Variants in GRM7 observed in about 807,000 individuals in gnomAD.
GRM7 encodes glutamate metabotropic receptor 7, also known as metabotropic glutamate receptor 7.
Under a neutral mutation model 84.5 loss-of-function variants are expected in GRM7, and 35 were observed. The observed-to-expected ratio is 0.41, with a 90% confidence interval of 0.32 to 0.55. GRM7 has a LOEUF of 0.55. Among genes scored for constraint, GRM7 ranks in the 20% least tolerant of loss-of-function variants. The pLI is 0.19. For synonymous variants in GRM7, 487 were observed against 455.1 expected, an observed-to-expected ratio of 1.07 and a Z score of -0.89; for missense variants, 1,003 against 1,194.6, an observed-to-expected ratio of 0.84 and a Z score of 2.36.
chr3:6,924,522 A>G (rs1697233170), intron 1 of GRM7, among the ~76,000 whole-genome samples: 2 of 151,876 alleles, frequency 1.3e-5, no homozygotes, highest in African/African-American at 2.4e-5. Context: ...TTTAAGACTC[A>G]CAGGATGGTT....
At chr3:7,656,544 C>T (rs953120369) in intron 8 of GRM7, among the ~76,000 whole-genome samples, 1 of 14,800 alleles carries the variant, frequency 6.8e-5, no homozygotes, top group South Asian at 2.3e-3. Context: ...TATATACGCG[C>T]GCGCACACAC....
chr3:7,687,758 A>T (rs149797834), intron 9 of GRM7, among the ~76,000 whole-genome samples: 48 of 152,266 alleles, frequency 3.2e-4, no homozygotes, highest in African/African-American at 1.0e-3. Flanking sequence ...TCCGAATATA[A>T]ATAAAATCTT....
chr3:7,379,346 G>A (rs1003380850), intron 4 of GRM7, among the ~76,000 whole-genome samples: 19 of 152,054 alleles, frequency 1.2e-4, no homozygotes, highest in African/African-American at 4.3e-4. Flanking sequence ...AACCGCCTAG[G>A]CCTCCCAAAG....
chr3:7,233,999 C>T (rs1284949984), intron 2 of GRM7, among the ~76,000 whole-genome samples: 1 of 152,092 alleles, frequency 6.6e-6, no homozygotes, highest in East Asian at 1.9e-4. Context: ...AACTTCCTTC[C>T]TATAACTGCT....
rs112340367 is a variant in GRM7, at chr3:7,189,322, A to C, written c.736+42654A>C. ...TTAGTGGACTGAGAACCTGGGTACAATTCCTGGGTCTCCTATCTTCCAGTT... is the reference window on the plus strand; with the variant it reads ...TTAGTGGACTGAGAACCTGGGTACACTTCCTGGGTCTCCTATCTTCCAGTT... On this transcript the variant is annotated intron_variant, in intron 2 of 9. Transcript: ENST00000357716. Among the ~76,000 whole-genome samples, 842 of 152,288 alleles carry C rather than the reference A, an allele frequency of 5.5e-3. 9 individuals carry two copies. Among genetic ancestry groups the C allele is most frequent in the African/African-American group, 0.019 (796 of 41,564 alleles).
intron 5 of GRM7, among the ~76,000 whole-genome samples, chr3:7,442,244 T>A (rs1215335484): frequency 6.6e-6 from 1 of 152,128 alleles, no homozygotes; most frequent in Non-Finnish European, 1.5e-5. Context: ...GTGAATGACA[T>A]TGCATTCTTG....
intron 4 of GRM7, among the ~76,000 whole-genome samples, chr3:7,395,675 G>T (rs1166673713): frequency 6.6e-6 from 1 of 152,102 alleles, no homozygotes; most frequent in African/African-American, 2.4e-5. Context: ...AAGCTCTCTT[G>T]CCTGCTGCCA....
intron 2 of GRM7, among the ~76,000 whole-genome samples, chr3:7,271,350 G>A (rs1013408538): frequency 6.6e-6 from 1 of 151,972 alleles, no homozygotes; most frequent in Non-Finnish European, 1.5e-5. Flanking sequence ...ACGAGGTCAG[G>A]AGATCGAGAC....
intron 9 of GRM7, among the ~76,000 whole-genome samples, chr3:7,691,756 G>A (rs903416826): frequency 5.9e-5 from 9 of 152,118 alleles, no homozygotes; most frequent in Admixed American, 5.9e-4. Context: ...TGCCTCCTGG[G>A]TTCAAGTGAT....
chr3:7,106,066 A>G (rs888769821), intron 1 of GRM7, among the ~76,000 whole-genome samples: 1 of 151,734 alleles, frequency 6.6e-6, no homozygotes, highest in Non-Finnish European at 1.5e-5. Context: ...TAACCATTCA[A>G]CTTAATTCAG....
At chr3:7,405,443 T>C (rs1365631905) in intron 4 of GRM7, among the ~76,000 whole-genome samples, 1 of 152,224 alleles carries the variant, frequency 6.6e-6, no homozygotes, top group Admixed American at 6.5e-5. Context: ...GTAATTAGCA[T>C]ATTCATCCAC....
chr3:7,543,411 AG>A (rs1692991514), intron 7 of GRM7, among the ~76,000 whole-genome samples: 1 of 152,258 alleles, frequency 6.6e-6, no homozygotes, highest in African/African-American at 2.4e-5. Context: ...TGGGCTGGCC[AG>A]GAAGTTCCCA....
chr3:6,992,171 G>C (rs1694659082), intron 1 of GRM7, among the ~76,000 whole-genome samples: 1 of 152,158 alleles, frequency 6.6e-6, no homozygotes, highest in Non-Finnish European at 1.5e-5. Context: ...ATGACTCTTA[G>C]TATTCCTTTC....
intron 4 of GRM7, among the ~76,000 whole-genome samples, chr3:7,330,835 G>T (rs1163959953): frequency 6.6e-6 from 1 of 152,116 alleles, no homozygotes; most frequent in Admixed American, 6.6e-5. Flanking sequence ...CACCATGTTT[G>T]TTCCTACTTT....
chr3:7,203,805 C>G (rs534178959), intron 2 of GRM7, among the ~76,000 whole-genome samples: 1 of 152,194 alleles, frequency 6.6e-6, no homozygotes, highest in East Asian at 1.9e-4. Context: ...ATTTTGTTCT[C>G]AGATACACAG....
intron 2 of GRM7, among the ~76,000 whole-genome samples, chr3:7,290,519 G>T (rs947792506): frequency 6.6e-6 from 1 of 152,274 alleles, no homozygotes; most frequent in South Asian, 2.1e-4. Context: ...TTGGCTGAAA[G>T]ATATGATGGA....
At chr3:7,696,732 G>T (rs1478634002) in intron 9 of GRM7, among the ~76,000 whole-genome samples, 1 of 152,148 alleles carries the variant, frequency 6.6e-6, no homozygotes, top group East Asian at 1.9e-4. Context: ...TCTGACAGTT[G>T]CTTTGTAAAT....
At chr3:7,329,254 G>T (rs1182502123) in intron 4 of GRM7, among the ~76,000 whole-genome samples, 1 of 152,090 alleles carries the variant, frequency 6.6e-6, no homozygotes, top group African/African-American at 2.4e-5. Flanking sequence ...AGGTTCCCAA[G>T]GTGCTCATTC....
rs75931905 is a variant in GRM7 at position 7,548,652 on chromosome 3, T to A, written c.1516-29770T>A. Among the ~76,000 whole-genome samples, 1,016 of 152,284 alleles carry A rather than the reference T, an allele frequency of 6.7e-3. 14 individuals carry two copies. Among genetic ancestry groups the A allele is most frequent in the African/African-American group, 0.022 (935 of 41,556 alleles). On this transcript the variant is annotated intron_variant, in intron 7 of 9. Transcript: ENST00000357716. ...TCTGTTACACCATCTAAAGATGTTT[T>A]TGGTTCTTCTTCCAATTGTGATCCC...
Sources: allele counts gnomAD v4.1 joint callset (sites outside exome capture counted in the v4.1 genomes callset), GRCh38; gene constraint gnomAD v4.1.1; transcripts MANE v1.5; gene names NCBI Gene and HGNC (gene_info 2026-07-23, HGNC 2026-07-21).